Variants in CBL observed in about 807,000 individuals in gnomAD.
CBL encodes Cbl proto-oncogene.
In CBL, 45 loss-of-function variants were observed where a neutral mutation model predicts 96.9. The ratio of observed to expected loss-of-function variants is 0.46; its 90% confidence interval spans 0.37 to 0.60. The LOEUF (loss-of-function observed/expected upper bound fraction) is 0.60. Ranked by LOEUF, CBL falls within the 20% of genes least tolerant of loss-of-function variation. The pLI, the probability that CBL is intolerant of heterozygous loss-of-function variation, is 0.00. For missense variants in CBL, 1,024 were observed against 1,143.5 expected (o/e 0.90, Z 1.51); for synonymous variants, 420 against 426.8 (o/e 0.98, Z 0.20).
rs2135310158 is a variant in CBL, at chr11:119,285,092, G to A, written c.1555G>A (p.Ala519Thr). ...CTCAAGTGCTTCTGCTCTTGGAACT[G>A]CTTCTAAGGTAAAGCATTTTCCATT... ...VPSSASALGT[A>T]SKAASGSLHK... The change falls in exon 10 of 16, where the codon GCT (alanine) becomes ACT (threonine). Residue 519 changes from alanine (A) to threonine (T), a missense_variant. This residue lies in a region of CBL where 695 missense variants were observed against 661.6 expected (regional missense o/e 1.05). Coordinates refer to ENST00000264033, the MANE Select transcript of CBL (RefSeq NM_005188.4). 3 of 1,614,138 alleles carry A rather than the reference G, an allele frequency of 1.9e-6. No individual in the cohort carries two copies. Among genetic ancestry groups the A allele is most frequent in the Non-Finnish European group, 2.5e-6 (3 of 1,180,026 alleles).
intron 4 of CBL, 30 bp from the exon 5 acceptor site, chr11:119,274,801 GA>G: frequency 6.2e-7 from 1 of 1,604,568 alleles, no homozygotes; most frequent in South Asian, 1.1e-5. Flanking sequence ...CATCTGACCT[GA>G]ATAGTCTGTG....
At chr11:119,237,798 A>T (rs1451482329) in intron 2 of CBL, among the ~76,000 whole-genome samples, 1 of 152,192 alleles carries the variant, frequency 6.6e-6, no homozygotes. Context: ...TTTGTACTAA[A>T]GCTTTGGAAT....
chr11:119,250,709 A>G (rs1475946197), intron 2 of CBL, among the ~76,000 whole-genome samples: 2 of 152,138 alleles, frequency 1.3e-5, no homozygotes, highest in African/African-American at 4.8e-5. Context: ...CAGCACTTTC[A>G]GAGGCTGGAG....
At chr11:119,247,315 A>G (rs1949639315) in intron 2 of CBL, among the ~76,000 whole-genome samples, 1 of 152,218 alleles carries the variant, frequency 6.6e-6, no homozygotes, top group Admixed American at 6.5e-5. Flanking sequence ...GTGGTACTAG[A>G]CGTTCCAGCC....
At chr11:119,251,501 A>G (rs1949669582) in intron 2 of CBL, among the ~76,000 whole-genome samples, 1 of 152,266 alleles carries the variant, frequency 6.6e-6, no homozygotes. Flanking sequence ...TTTGGAGGCC[A>G]TACTTCAAAC....
intron 2 of CBL, among the ~76,000 whole-genome samples, chr11:119,242,920 A>G (rs1383773607): frequency 6.6e-6 from 1 of 152,074 alleles, no homozygotes; most frequent in Non-Finnish European, 1.5e-5. Flanking sequence ...GGGTATTGCC[A>G]TACCAGGTTG....
intron 1 of CBL, among the ~76,000 whole-genome samples, chr11:119,208,178 AAC>A (rs1949289134): frequency 1.3e-5 from 2 of 152,348 alleles, no homozygotes; most frequent in South Asian, 2.1e-4. Flanking sequence ...CTTTAAAAAA[AAC>A]ACATCGAAGA....
intron 5 of CBL, among the ~76,000 whole-genome samples, chr11:119,275,548 G>A (rs931104264): frequency 1.3e-5 from 2 of 151,884 alleles, no homozygotes; most frequent in Admixed American, 1.3e-4. Context: ...CTTTTTTCTT[G>A]TCACTGACTT....
chr11:119,271,186 T>C (rs1397413016), intron 2 of CBL, among the ~76,000 whole-genome samples: 1 of 152,238 alleles, frequency 6.6e-6, no homozygotes, highest in South Asian at 2.1e-4. Context: ...CAGGAAATAA[T>C]ACATTGGTTT....
chr11:119,238,456 C>T (rs565716923), intron 2 of CBL, among the ~76,000 whole-genome samples: 6 of 152,106 alleles, frequency 3.9e-5, no homozygotes, highest in Admixed American at 1.3e-4. Flanking sequence ...GTGACCCGCC[C>T]GCCTCGGCCT....
chr11:119,281,933 T>G (rs1949937720), intron 9 of CBL, among the ~76,000 whole-genome samples: 1 of 152,240 alleles, frequency 6.6e-6, no homozygotes. Flanking sequence ...TGGATATTTA[T>G]GTCCTTTAAG....
In CBL at chr11:119,283,220, G is replaced by A. The variant is rs188613609; in HGVS notation, c.1432-1749G>A. Among the ~76,000 whole-genome samples, 9 of 151,688 alleles carry A rather than the reference G, an allele frequency of 5.9e-5. No homozygotes were observed. The East Asian group carries it at 1.8e-3, about 29-fold the overall frequency. On this transcript the variant is annotated intron_variant, in intron 9 of 15. Transcript: ENST00000264033. ...AAATAATTATGATGAAGTGAGAGGAGGCTTGACTAGTAACTTTGACTTTTG... is the reference window on the plus strand; with the variant it reads ...AAATAATTATGATGAAGTGAGAGGAAGCTTGACTAGTAACTTTGACTTTTG...
intron 2 of CBL, among the ~76,000 whole-genome samples, chr11:119,248,413 C>T (rs1565864123): frequency 6.6e-6 from 1 of 152,072 alleles, no homozygotes; most frequent in Non-Finnish European, 1.5e-5. Flanking sequence ...TAAATTATCA[C>T]ATTCAAAAGA....
chr11:119,207,704 TTTAA>T (rs565266479), intron 1 of CBL, among the ~76,000 whole-genome samples: 23 of 152,366 alleles, frequency 1.5e-4, no homozygotes, highest in Admixed American at 8.5e-4. Flanking sequence ...TTTCATATTC[TTTAA>T]TTAATTACTT....
intron 5 of CBL, among the ~76,000 whole-genome samples, chr11:119,275,738 T>C (rs754951182): frequency 1.3e-5 from 2 of 151,974 alleles, no homozygotes; most frequent in African/African-American, 4.8e-5. Context: ...TGGCACATAC[T>C]GTAGTCCCAG....
intron 9 of CBL, among the ~76,000 whole-genome samples, chr11:119,282,338 CAAAAA>C (rs201788865): frequency 1.2e-5 from 1 of 80,504 alleles, no homozygotes; most frequent in Non-Finnish European, 2.6e-5. Context: ...GACTCCATCT[CAAAAA>C]AAAAAAAAAA....
chr11:119,264,980 T>C (rs1172458090), intron 2 of CBL, among the ~76,000 whole-genome samples: 1 of 152,088 alleles, frequency 6.6e-6, no homozygotes, highest in African/African-American at 2.4e-5. Context: ...AGGTTCAAGC[T>C]ATCATCCCAC....
intron 2 of CBL, among the ~76,000 whole-genome samples, chr11:119,237,532 G>C (rs1223096271): frequency 6.6e-6 from 1 of 152,116 alleles, no homozygotes; most frequent in Non-Finnish European, 1.5e-5. Context: ...TTAGGTCTTT[G>C]ATCCATTTTT....
intron 1 of CBL, among the ~76,000 whole-genome samples, chr11:119,208,599 C>G (rs1019347350): frequency 2.0e-5 from 3 of 152,048 alleles, no homozygotes; most frequent in African/African-American, 7.2e-5. Flanking sequence ...TCATGTTGAC[C>G]AGGCTCGTCT....
Sources: allele counts gnomAD v4.1 joint callset (sites outside exome capture counted in the v4.1 genomes callset), GRCh38; gene constraint gnomAD v4.1.1; regional missense constraint gnomAD v4.1.1; transcripts MANE v1.5; gene names NCBI Gene and HGNC (gene_info 2026-07-23, HGNC 2026-07-21).